DIAPH2: variants seen among roughly 807,000 people sequenced by gnomAD.
DIAPH2 encodes the protein diaphanous related formin 2.
DIAPH2 carries 35 observed loss-of-function variants against 92.7 expected under a neutral mutation model. The observed-to-expected ratio is 0.38, with a 90% CI of 0.29 to 0.50. DIAPH2 has a LOEUF of 0.50. DIAPH2 is among the 20% of genes least tolerant of loss of function. DIAPH2 has a pLI of 0.94. For missense variants in DIAPH2, 701 were observed against 819.5 expected, an observed-to-expected ratio of 0.86 and a Z score of 1.77; for synonymous variants, 301 against 280.4, an observed-to-expected ratio of 1.07 and a Z score of -0.73.
intron 26 of DIAPH2, among the ~76,000 whole-genome samples, chrX:97,441,050 T>G (rs2070251465): frequency 8.9e-6 from 1 of 111,899 alleles, no homozygotes; most frequent in South Asian, 3.7e-4. Flanking sequence ...TGGATTTCAC[T>G]AATAGAAATT....
intron 4 of DIAPH2, among the ~76,000 whole-genome samples, chrX:96,811,500 A>G: frequency 9.0e-6 from 1 of 111,350 alleles, no homozygotes; most frequent in Non-Finnish European, 1.9e-5. Context: ...CTTATTGAAT[A>G]CCCTTTATTT....
chrX:96,900,619 G>C (rs1466337890), intron 5 of DIAPH2, among the ~76,000 whole-genome samples: 1 of 110,915 alleles, frequency 9.0e-6, no homozygotes, highest in Non-Finnish European at 1.9e-5. Flanking sequence ...TACTTTGAGG[G>C]AAGTCCCTTC....
At chrX:96,764,527 G>A (rs189652736) in intron 4 of DIAPH2, among the ~76,000 whole-genome samples, 4 of 111,819 alleles carry the variant, frequency 3.6e-5, no homozygotes, top group Admixed American at 1.9e-4. Flanking sequence ...GAGCAAGGAG[G>A]TAACATGATG....
At chrX:97,505,548 T>C in intron 26 of DIAPH2, among the ~76,000 whole-genome samples, 1 of 111,593 alleles carries the variant, frequency 9.0e-6, no homozygotes, top group African/African-American at 3.3e-5. Context: ...TTTGAATCCA[T>C]TTGGATGTCA....
intron 21 of DIAPH2, among the ~76,000 whole-genome samples, chrX:97,134,882 C>T (rs748195083): frequency 9.0e-6 from 1 of 111,512 alleles, no homozygotes; most frequent in Admixed American, 9.5e-5. Context: ...ATAAATTATT[C>T]GTTCACATTA....
chrX:96,974,660 A>G (rs994357306), intron 17 of DIAPH2, among the ~76,000 whole-genome samples: 3 of 111,707 alleles, frequency 2.7e-5, no homozygotes, highest in African/African-American at 6.5e-5. Flanking sequence ...AATATGTATC[A>G]TATATGTAAG....
At chrX:97,448,796 A>C (rs924675831) in intron 26 of DIAPH2, among the ~76,000 whole-genome samples, 1 of 111,882 alleles carries the variant, frequency 8.9e-6, no homozygotes, top group Admixed American at 9.5e-5. Context: ...GCAAGCTGAT[A>C]ATTTGAAAAT....
At chrX:96,982,957 T>C (rs1230237354) in intron 17 of DIAPH2, among the ~76,000 whole-genome samples, 2 of 111,480 alleles carry the variant, frequency 1.8e-5, no homozygotes, top group Non-Finnish European at 3.8e-5. Flanking sequence ...TACTTCAGAC[T>C]GCGGCAAAAT....
At chrX:97,220,356 T>A (rs775574806) in intron 22 of DIAPH2, among the ~76,000 whole-genome samples, 1 of 106,582 alleles carries the variant, frequency 9.4e-6, no homozygotes, top group Non-Finnish European at 1.9e-5. Context: ...TATCAGTGCT[T>A]ACAAGTTTTA....
At chrX:97,545,763 C>G (rs1195143638) in intron 26 of DIAPH2, among the ~76,000 whole-genome samples, 2 of 107,479 alleles carry the variant, frequency 1.9e-5, no homozygotes, top group South Asian at 4.2e-4. Context: ...AATTAATAAT[C>G]TTGCCTTTGA....
chrX:97,595,117 A>G (rs933791673), intron 26 of DIAPH2, among the ~76,000 whole-genome samples: 3 of 111,930 alleles, frequency 2.7e-5, no homozygotes, highest in Non-Finnish European at 5.6e-5. Context: ...CTTTATCTGT[A>G]TTGTGCTTAT....
intron 4 of DIAPH2, among the ~76,000 whole-genome samples, chrX:96,837,167 T>C (rs1352631323): frequency 3.6e-5 from 4 of 111,254 alleles, no homozygotes; most frequent in African/African-American, 1.3e-4. Context: ...GTTTTAGATA[T>C]TAGTTTTTAA....
intron 1 of DIAPH2, among the ~76,000 whole-genome samples, chrX:96,729,362 G>A (rs928081996): frequency 8.9e-6 from 1 of 112,004 alleles, no homozygotes; most frequent in African/African-American, 3.2e-5. Flanking sequence ...AATTGTTTCT[G>A]CTTAATTCAG....
chrX:97,553,947 A>T (rs781370770), intron 26 of DIAPH2, among the ~76,000 whole-genome samples: 1 of 112,013 alleles, frequency 8.9e-6, no homozygotes, highest in Non-Finnish European at 1.9e-5. Flanking sequence ...ACATAGATAG[A>T]CATACACTAG....
chrX:97,374,944 C>T (rs1045281417), intron 24 of DIAPH2, among the ~76,000 whole-genome samples: 80 of 111,816 alleles, frequency 7.2e-4, no homozygotes, highest in African/African-American at 2.4e-3. Flanking sequence ...CTACTTGTAA[C>T]CTGATGTGAT....
chrX:96,905,104 T>C (rs1036542555), intron 5 of DIAPH2, among the ~76,000 whole-genome samples: 2 of 111,735 alleles, frequency 1.8e-5, no homozygotes, highest in Admixed American at 1.9e-4. Context: ...ATGACATGAC[T>C]AATATTGGAC....
At chrX:97,204,739 A>G (rs2067781657) in intron 22 of DIAPH2, among the ~76,000 whole-genome samples, 1 of 111,925 alleles carries the variant, frequency 8.9e-6, no homozygotes, top group Admixed American at 9.5e-5. Flanking sequence ...CAAAATGGCC[A>G]TACTGCCCAA....
chrX:96,985,399 T>C (rs1602690453), intron 17 of DIAPH2, among the ~76,000 whole-genome samples: 1 of 111,121 alleles, frequency 9.0e-6, no homozygotes, highest in East Asian at 2.8e-4. Context: ...ACATTTGCAA[T>C]TTTGGAAGGA....
chrX:96,783,865 C>G, intron 4 of DIAPH2, among the ~76,000 whole-genome samples: 1 of 112,140 alleles, frequency 8.9e-6, no homozygotes, highest in Middle Eastern at 4.6e-3. Flanking sequence ...ACACACTGTT[C>G]GGTCATTTGG....
Sources: allele counts gnomAD v4.1 joint callset (sites outside exome capture counted in the v4.1 genomes callset), GRCh38; gene constraint gnomAD v4.1.1; transcripts MANE v1.5; gene names NCBI Gene and HGNC (gene_info 2026-07-23, HGNC 2026-07-21).